PARD3: variants seen among roughly 807,000 people sequenced by gnomAD.
PARD3 encodes partitioning defective 3 homolog.
In PARD3, 75 loss-of-function variants were observed where a neutral mutation model predicts 155.4. That is an observed-to-expected ratio of 0.48 (90% CI 0.40 to 0.58). PARD3 has a LOEUF of 0.58. PARD3 is among the 20% of genes least tolerant of loss of function. The pLI, the probability that PARD3 is intolerant of heterozygous loss-of-function variation, is 0.00. For synonymous variants in PARD3, 576 were observed against 610.5 expected (o/e 0.94, Z 0.83); for missense variants, 1,642 against 1,721.7 (o/e 0.95, Z 0.82).
intron 7 of PARD3, among the ~76,000 whole-genome samples, chr10:34,397,598 T>C (rs1232166440): frequency 6.6e-6 from 1 of 152,226 alleles, no homozygotes; most frequent in East Asian, 1.9e-4. Context: ...TTTTGTGAAA[T>C]GCCTTCCTTT....
intron 1 of PARD3, among the ~76,000 whole-genome samples, chr10:34,702,210 C>T (rs2094292395): frequency 6.7e-6 from 1 of 149,902 alleles, no homozygotes. Flanking sequence ...AAAAAAAAAG[C>T]CAGGCATGAT....
At chr10:34,220,526 T>C (rs995723825) in intron 22 of PARD3, among the ~76,000 whole-genome samples, 1 of 152,160 alleles carries the variant, frequency 6.6e-6, no homozygotes, top group African/African-American at 2.4e-5. Flanking sequence ...TGGTGACTCT[T>C]GGCAGAGAGT....
chr10:34,687,916 G>A (rs1029509983), intron 2 of PARD3, among the ~76,000 whole-genome samples: 3 of 130,836 alleles, frequency 2.3e-5, no homozygotes, highest in East Asian at 2.4e-4. Flanking sequence ...GTAGAGCAGC[G>A]TGATCATGGC....
intron 5 of PARD3, among the ~76,000 whole-genome samples, chr10:34,424,965 C>T (rs1007662568): frequency 1.3e-5 from 2 of 152,192 alleles, no homozygotes; most frequent in Admixed American, 6.5e-5. Flanking sequence ...TTTATACCTC[C>T]CATTTTCTTC....
At chr10:34,256,163 C>T (rs1199602555) in intron 22 of PARD3, among the ~76,000 whole-genome samples, 7 of 152,256 alleles carry the variant, frequency 4.6e-5, no homozygotes, top group Non-Finnish European at 8.8e-5. Context: ...TAATTATTCA[C>T]TAATTCAGAC....
intron 2 of PARD3, among the ~76,000 whole-genome samples, chr10:34,653,981 A>G (rs2093092743): frequency 6.6e-6 from 1 of 152,264 alleles, no homozygotes; most frequent in South Asian, 2.1e-4. Flanking sequence ...ATGCACACCA[A>G]TTATGGTAAG....
At chr10:34,585,743 T>C (rs1374489255) in intron 2 of PARD3, among the ~76,000 whole-genome samples, 2 of 152,132 alleles carry the variant, frequency 1.3e-5, no homozygotes, top group Non-Finnish European at 2.9e-5. Flanking sequence ...CATTAATTTA[T>C]ATACTTTTGC....
intron 14 of PARD3, among the ~76,000 whole-genome samples, chr10:34,348,810 G>A (rs941998791): frequency 2.6e-5 from 4 of 152,144 alleles, no homozygotes; most frequent in African/African-American, 4.8e-5. Context: ...CACCAAGATA[G>A]GAGGATTTCA....
chr10:34,130,345 C>T (rs1765173), intron 23 of PARD3, among the ~76,000 whole-genome samples: 1 of 151,890 alleles, frequency 6.6e-6, no homozygotes, highest in African/African-American at 2.4e-5. Context: ...TCCAGCACCT[C>T]CCTTGGCTTT....
intron 22 of PARD3, 110 bp downstream of exon 22, chr10:34,269,547 A>G: frequency 8.2e-7 from 1 of 1,216,946 alleles, no homozygotes; most frequent in South Asian, 1.5e-5. Flanking sequence ...TTTAAAGGCC[A>G]TTAATAAAAG....
At chr10:34,634,714 T>C (rs2092404144) in intron 2 of PARD3, among the ~76,000 whole-genome samples, 1 of 152,226 alleles carries the variant, frequency 6.6e-6, no homozygotes, top group Non-Finnish European at 1.5e-5. Flanking sequence ...CTTTGGCTTT[T>C]TGCTGAGACC....
intron 4 of PARD3, 53 bp from the exon 5 acceptor site, chr10:34,450,501 C>T: frequency 6.6e-7 from 1 of 1,522,040 alleles, no homozygotes. Context: ...CCTTGCAAAT[C>T]AGTAATGCAC....
intron 22 of PARD3, among the ~76,000 whole-genome samples, chr10:34,225,217 A>G (rs1013074441): frequency 2.6e-5 from 4 of 152,226 alleles, no homozygotes; most frequent in Non-Finnish European, 5.9e-5. Flanking sequence ...GTACACAGAG[A>G]TAAGTAGGAG....
intron 2 of PARD3, among the ~76,000 whole-genome samples, chr10:34,568,433 A>C (rs1178674362): frequency 6.6e-6 from 1 of 152,222 alleles, no homozygotes; most frequent in East Asian, 1.9e-4. Flanking sequence ...GTTTCTAGAC[A>C]ACAAGAAAGA....
At chr10:34,657,791 G>A (rs1392710339) in intron 2 of PARD3, among the ~76,000 whole-genome samples, 2 of 151,742 alleles carry the variant, frequency 1.3e-5, no homozygotes, top group Admixed American at 1.3e-4. Flanking sequence ...CGCCTGCCTG[G>A]GCCTCCCAAA....
intron 2 of PARD3, among the ~76,000 whole-genome samples, chr10:34,654,302 T>C (rs1214986045): frequency 1.3e-5 from 2 of 152,070 alleles, no homozygotes; most frequent in African/African-American, 4.8e-5. Flanking sequence ...CATATAACAA[T>C]GTTTTCACCA....
At chr10:34,672,186 C>A (rs1390880534) in intron 2 of PARD3, among the ~76,000 whole-genome samples, 1 of 152,124 alleles carries the variant, frequency 6.6e-6, no homozygotes, top group Non-Finnish European at 1.5e-5. Context: ...AGAATAACCT[C>A]TCTCCCTTTC....
chr10:34,219,810 CTACTAAATTTGGCACTG>C (rs1952187890), intron 22 of PARD3, among the ~76,000 whole-genome samples: 1 of 152,114 alleles, frequency 6.6e-6, no homozygotes, highest in Non-Finnish European at 1.5e-5. Context: ...AACTAAAATG[CTACTAAATTTGGCACTG>C]TACTAATCTA....
At chr10:34,352,892 G>A (rs1838293014) in intron 14 of PARD3, among the ~76,000 whole-genome samples, 1 of 152,072 alleles carries the variant, frequency 6.6e-6, no homozygotes, top group African/African-American at 2.4e-5. Context: ...TCCCATCTAG[G>A]AAGTGAGGAG....
Sources: gnomAD v4.1 joint callset for allele counts (sites outside exome capture counted in the v4.1 genomes callset) on GRCh38, gnomAD v4.1.1 for gene constraint, MANE v1.5 for transcripts, NCBI Gene and HGNC (gene_info 2026-07-23, HGNC 2026-07-21) for gene names.